SEMA5A: variants seen among roughly 807,000 people sequenced by gnomAD.
The protein encoded by SEMA5A is semaphorin-5A.
Under a neutral mutation model 135.5 loss-of-function variants are expected in SEMA5A, and 55 were observed. The ratio of observed to expected loss-of-function variants is 0.41; its 90% CI spans 0.33 to 0.51. The LOEUF is 0.51. SEMA5A is among the 20% of genes least tolerant of loss of function. The probability of loss-of-function intolerance (pLI) is 0.37; values close to 1 mark genes in which losing one functional copy is unlikely to be tolerated. For missense variants in SEMA5A, 1,290 were observed against 1,419.9 expected (o/e 0.91, Z 1.47); for synonymous variants, 580 against 546.5 (o/e 1.06, Z -0.85).
chr5:9,160,026 G>C (rs1743165031), intron 11 of SEMA5A, among the ~76,000 whole-genome samples: 1 of 151,980 alleles, frequency 6.6e-6, no homozygotes, highest in Non-Finnish European at 1.5e-5. Context: ...CACAGAGAGG[G>C]GGACAACACA....
chr5:9,419,888 TG>T (rs1424688917), intron 2 of SEMA5A, among the ~76,000 whole-genome samples: 4 of 152,174 alleles, frequency 2.6e-5, no homozygotes, highest in Non-Finnish European at 4.4e-5. Context: ...TGTTTTTCTG[TG>T]GTGTCACACA....
At chr5:9,110,476 G>A (rs533178551) in intron 15 of SEMA5A, among the ~76,000 whole-genome samples, 1 of 152,352 alleles carries the variant, frequency 6.6e-6, no homozygotes. Context: ...AGAAAACGGC[G>A]ATGGTGTTGG....
chr5:9,198,553 A>G (rs191322394), intron 9 of SEMA5A, among the ~76,000 whole-genome samples: 1 of 152,290 alleles, frequency 6.6e-6, no homozygotes, highest in Admixed American at 6.5e-5. Context: ...TCCTTATGGA[A>G]AAGTAGGGCC....
chr5:9,180,932 A>G (rs1744474804), intron 11 of SEMA5A, among the ~76,000 whole-genome samples: 1 of 152,204 alleles, frequency 6.6e-6, no homozygotes, highest in Non-Finnish European at 1.5e-5. Flanking sequence ...GGAAAGTCAT[A>G]TTGATCTCCT....
chr5:9,077,418 C>G (rs976674859), intron 16 of SEMA5A, among the ~76,000 whole-genome samples: 5 of 152,132 alleles, frequency 3.3e-5, no homozygotes, highest in African/African-American at 9.7e-5. Context: ...ACTACTCTTA[C>G]TAGTCATAGA....
At chr5:9,085,375 G>C (rs1354836912) in intron 16 of SEMA5A, among the ~76,000 whole-genome samples, 2 of 152,182 alleles carry the variant, frequency 1.3e-5, no homozygotes, top group African/African-American at 4.8e-5. Flanking sequence ...GGAGGAAAAA[G>C]TGGTTACCTG....
intron 10 of SEMA5A, among the ~76,000 whole-genome samples, chr5:9,194,862 C>T (rs1400337476): frequency 6.6e-6 from 1 of 152,100 alleles, no homozygotes; most frequent in African/African-American, 2.4e-5. Context: ...CCAGTCGCTC[C>T]TGGCCTTAGG....
intron 1 of SEMA5A, among the ~76,000 whole-genome samples, chr5:9,460,771 G>A (rs1759026749): frequency 6.6e-6 from 1 of 152,102 alleles, no homozygotes; most frequent in Non-Finnish European, 1.5e-5. Flanking sequence ...GATAGTATAT[G>A]ACACAATCAA....
At position 9,154,505 on chromosome 5, in the gene SEMA5A, C is replaced by T. The variant is rs200939180; in HGVS notation, c.1464G>A (p.Gln488=). The T allele has an allele frequency of 6.8e-6, 11 of 1,612,096 alleles. No individual in the cohort carries two copies. In the African/African-American group the frequency reaches 9.3e-5, roughly 14 times the overall value. ...HVVKIPLKRC[Q]FYRTRSTCIG... ...TGCCCTACCTGCGTGTGCGGTAGAA[C>T]TGGCACCTCTTCAGGGGGATCTTGA... The change falls in exon 12 of 23, where the codon CAG becomes CAA. Residue 488 remains glutamine (Q), a synonymous_variant. Transcript: ENST00000382496.
At chr5:9,208,052 T>C (rs1664862623) in intron 8 of SEMA5A, among the ~76,000 whole-genome samples, 1 of 152,220 alleles carries the variant, frequency 6.6e-6, no homozygotes, top group African/African-American at 2.4e-5. Context: ...TCACATTATT[T>C]ACCAGTATAT....
At position 9,225,682 on chromosome 5, in the gene SEMA5A, T is replaced by A. The variant is rs190320762; in HGVS notation, c.433-795A>T. ...AAGGATGTGTGGATATTCAACACTATGTGGCCCACATTTCCAACACTTTCT... is the reference window on the plus strand; with the variant it reads ...AAGGATGTGTGGATATTCAACACTAAGTGGCCCACATTTCCAACACTTTCT... On this transcript the variant is annotated intron_variant, in intron 7 of 22. Transcript: ENST00000382496. Among the ~76,000 whole-genome samples the A allele has an allele frequency of 3.3e-5, 5 of 152,254 alleles. No homozygotes were observed. The East Asian group carries it at 9.7e-4, about 29-fold the overall frequency.
chr5:9,540,361 G>A (rs539709712), intron 1 of SEMA5A, among the ~76,000 whole-genome samples: 39 of 152,018 alleles, frequency 2.6e-4, no homozygotes, highest in African/African-American at 8.0e-4. Flanking sequence ...AGGCCGAGGC[G>A]GGTGGATCAC....
chr5:9,299,743 A>G (rs960387749), intron 5 of SEMA5A, among the ~76,000 whole-genome samples: 6 of 152,188 alleles, frequency 3.9e-5, no homozygotes, highest in African/African-American at 1.2e-4. Context: ...TGCTCTCCCA[A>G]CTGAAACTCT....
At chr5:9,317,341 A>G (rs1301340031) in intron 5 of SEMA5A, among the ~76,000 whole-genome samples, 1 of 152,146 alleles carries the variant, frequency 6.6e-6, no homozygotes, top group Admixed American at 6.6e-5. Context: ...ATTTTTCGCC[A>G]TGCTAGTATG....
At chr5:9,220,876 G>A (rs908489291) in intron 8 of SEMA5A, among the ~76,000 whole-genome samples, 8 of 152,122 alleles carry the variant, frequency 5.3e-5, no homozygotes, top group African/African-American at 7.2e-5. Context: ...CAGCAGCGCC[G>A]CATGGTGGGA....
intron 2 of SEMA5A, among the ~76,000 whole-genome samples, chr5:9,383,112 C>T (rs572069198): frequency 6.6e-6 from 1 of 152,348 alleles, no homozygotes; most frequent in South Asian, 2.1e-4. Flanking sequence ...TGAGAAAATG[C>T]TCATTGTCCC....
intron 2 of SEMA5A, among the ~76,000 whole-genome samples, chr5:9,383,811 A>G (rs1579449224): frequency 6.6e-6 from 1 of 152,294 alleles, no homozygotes; most frequent in Admixed American, 6.5e-5. Flanking sequence ...AACAGACTTG[A>G]TGTTAGAAGC....
intron 5 of SEMA5A, among the ~76,000 whole-genome samples, chr5:9,274,343 T>C (rs1033381766): frequency 6.6e-6 from 1 of 151,988 alleles, no homozygotes; most frequent in Non-Finnish European, 1.5e-5. Context: ...TAAAGCAAGT[T>C]CTTAGAGACC....
chr5:9,047,356 T>C (rs1736322654), intron 21 of SEMA5A, among the ~76,000 whole-genome samples: 1 of 152,210 alleles, frequency 6.6e-6, no homozygotes, highest in African/African-American at 2.4e-5. Flanking sequence ...TTATGATGAT[T>C]ATATAGTCTT....
Sources: allele counts gnomAD v4.1 joint callset (sites outside exome capture counted in the v4.1 genomes callset), GRCh38; gene constraint gnomAD v4.1.1; transcripts MANE v1.5; gene names NCBI Gene and HGNC (gene_info 2026-07-23, HGNC 2026-07-21).